The following NEBL variants were observed in gnomAD, a reference collection of about 807,000 sequenced individuals.
NEBL encodes the protein LIM and SH3 protein 2.
A neutral mutation model predicts 140.2 loss-of-function variants in NEBL; 122 were observed. The observed-to-expected ratio is 0.87, with a 90% CI of 0.75 to 1.01. The LOEUF is 1.01. Among genes scored for constraint, NEBL ranks in the 50% least tolerant of loss-of-function variants. NEBL has a pLI of 0.00. For synonymous variants in NEBL, 436 were observed against 398.9 expected, an observed-to-expected ratio of 1.09 and a Z score of -1.11; for missense variants, 1,365 against 1,231.3, an observed-to-expected ratio of 1.11 and a Z score of -1.62.
intron 2 of NEBL, among the ~76,000 whole-genome samples, chr10:21,083,162 A>T (rs1836465835): frequency 6.6e-6 from 1 of 152,244 alleles, no homozygotes; most frequent in Non-Finnish European, 1.5e-5. Flanking sequence ...CCTTTGGTAT[A>T]AAAGCCTTAA....
chr10:20,929,832 G>A (rs944330671), intron 4 of NEBL, among the ~76,000 whole-genome samples: 2 of 151,954 alleles, frequency 1.3e-5, no homozygotes, highest in African/African-American at 4.8e-5. Flanking sequence ...ATACTATTGG[G>A]GTGACAGTTA....
chr10:20,792,865 A>G (rs1308293414), intron 26 of NEBL, among the ~76,000 whole-genome samples: 2 of 151,918 alleles, frequency 1.3e-5, no homozygotes, highest in Admixed American at 6.6e-5. Context: ...CTGCTTGGTT[A>G]TAACACACGG....
At chr10:20,924,523 TA>T (rs34139031) in intron 4 of NEBL, among the ~76,000 whole-genome samples, 68,917 of 137,922 alleles carry the variant, frequency 0.5, 16,852 homozygotes, top group African/African-American at 0.58. Context: ...GTATCTTGTA[TA>T]AAAAAAAAAA....
chr10:21,008,324 T>C (rs1228605446), intron 3 of NEBL, among the ~76,000 whole-genome samples: 1 of 152,200 alleles, frequency 6.6e-6, no homozygotes, highest in African/African-American at 2.4e-5. Flanking sequence ...CAATAAGATA[T>C]TTCGAGAAAG....
At chr10:21,182,824 T>C (rs1308563532) in intron 3 of NEBL, among the ~76,000 whole-genome samples, 63 of 152,236 alleles carry the variant, frequency 4.1e-4, no homozygotes, top group Non-Finnish European at 1.3e-4. Context: ...AAAATATTAT[T>C]TCAATATGTG....
chr10:20,824,379 T>C (rs1839640166), intron 18 of NEBL, among the ~76,000 whole-genome samples: 1 of 152,164 alleles, frequency 6.6e-6, no homozygotes, highest in Non-Finnish European at 1.5e-5. Flanking sequence ...TGTCTTAGTA[T>C]CTGTGGATTT....
upstream of NEBL, chr10:20,899,608 T>C: frequency 3.1e-6 from 1 of 323,422 alleles, no homozygotes; most frequent in South Asian, 2.6e-5. Context: ...TAAAGCCCTC[T>C]CTTTCACAGA....
intron 1 of NEBL, among the ~76,000 whole-genome samples, chr10:21,263,565 C>G (rs369794947): frequency 6.6e-6 from 1 of 152,192 alleles, no homozygotes; most frequent in African/African-American, 2.4e-5. Flanking sequence ...CCTATCTCCC[C>G]GGGGGTTAGT....
At chr10:21,149,015 G>A (rs1275900134) in intron 2 of NEBL, among the ~76,000 whole-genome samples, 1 of 152,218 alleles carries the variant, frequency 6.6e-6, no homozygotes, top group Non-Finnish European at 1.5e-5. Context: ...TGCACAGAGA[G>A]CCCAAGAAGA....
At chr10:20,826,582 A>T in intron 17 of NEBL, 43 bp from the exon 18 acceptor site, 2 of 1,447,006 alleles carry the variant, frequency 1.4e-6, no homozygotes, top group Non-Finnish European at 1.9e-6. Context: ...GCTTGTCAGA[A>T]TTCAAGTCCT....
intron 1 of NEBL, among the ~76,000 whole-genome samples, chr10:21,257,714 T>C (rs1175096887): frequency 6.6e-6 from 1 of 151,962 alleles, no homozygotes; most frequent in Non-Finnish European, 1.5e-5. Flanking sequence ...TGAAACCCCA[T>C]CTCTACTAAA....
chr10:21,009,549 C>T (rs1270866827), intron 3 of NEBL, among the ~76,000 whole-genome samples: 1 of 152,164 alleles, frequency 6.6e-6, no homozygotes, highest in Non-Finnish European at 1.5e-5. Flanking sequence ...GGGAAGGAGG[C>T]AGAGAAGGAA....
At chr10:20,921,456 T>C (rs1288892636) in intron 4 of NEBL, among the ~76,000 whole-genome samples, 1 of 151,914 alleles carries the variant, frequency 6.6e-6, no homozygotes, top group Non-Finnish European at 1.5e-5. Flanking sequence ...GGAGGTAGGG[T>C]ATTTCTTCCT....
intron 3 of NEBL, among the ~76,000 whole-genome samples, chr10:21,221,524 T>TG (rs1405589333): frequency 1.3e-5 from 2 of 152,004 alleles, no homozygotes; most frequent in Non-Finnish European, 2.9e-5. Context: ...CTTTTTTTTT[T>TG]GACAGAGGCT....
chr10:20,894,766 A>G (rs1256774466), intron 2 of NEBL, among the ~76,000 whole-genome samples: 1 of 149,368 alleles, frequency 6.7e-6, no homozygotes, highest in Non-Finnish European at 1.5e-5. Context: ...AAAAAAAAAA[A>G]AAATACAAAA....
intron 3 of NEBL, among the ~76,000 whole-genome samples, chr10:21,008,144 T>G (rs1053286453): frequency 6.6e-6 from 1 of 152,214 alleles, no homozygotes; most frequent in African/African-American, 2.4e-5. Context: ...TGTGTATATA[T>G]GTATAGGTAG....
intron 3 of NEBL, 23 bp from the exon 4 acceptor site, chr10:20,888,230 AAAAAT>A (rs1024549401): frequency 6.0e-6 from 8 of 1,340,410 alleles, no homozygotes; most frequent in Admixed American, 1.7e-5. Flanking sequence ...AAAACAGGAA[AAAAAT>A]AAATAAATAA....
intron 4 of NEBL, among the ~76,000 whole-genome samples, chr10:20,922,284 T>G (rs1833627742): frequency 6.6e-6 from 1 of 152,126 alleles, no homozygotes; most frequent in Non-Finnish European, 1.5e-5. Flanking sequence ...ATATAGGCCC[T>G]CCCTCCATCC....
chr10:21,012,429 A>G (rs1197847556), intron 3 of NEBL, among the ~76,000 whole-genome samples: 3 of 152,148 alleles, frequency 2.0e-5, no homozygotes, highest in Non-Finnish European at 4.4e-5. Context: ...GCATGATCAC[A>G]GCTCACTGCA....
Sources: allele counts gnomAD v4.1 joint callset (sites outside exome capture counted in the v4.1 genomes callset), GRCh38; gene constraint gnomAD v4.1.1; transcripts MANE v1.5; gene names NCBI Gene and HGNC (gene_info 2026-07-23, HGNC 2026-07-21).